The following CLNK variants were observed in gnomAD, a reference collection of about 807,000 sequenced individuals.
CLNK encodes cytokine-dependent hematopoietic cell linker.
Under a neutral mutation model 68.6 loss-of-function variants are expected in CLNK, and 74 were observed. The observed-to-expected ratio is 1.08, with a 90% CI of 0.89 to 1.31. The LOEUF (loss-of-function observed/expected upper bound fraction) is 1.31. CLNK is among the 50% of genes most tolerant of loss of function. The pLI is 0.00. For missense variants in CLNK, 553 were observed against 515.3 expected, an observed-to-expected ratio of 1.07 and a Z score of -0.71; for synonymous variants, 198 against 172.2, an observed-to-expected ratio of 1.15 and a Z score of -1.17.
At chr4:10,532,986 A>C (rs1242938188) in intron 11 of CLNK, among the ~76,000 whole-genome samples, 1 of 152,242 alleles carries the variant, frequency 6.6e-6, no homozygotes, top group Non-Finnish European at 1.5e-5. Context: ...GGCCTGGTGC[A>C]GTGGCTCATG....
intron 2 of CLNK, among the ~76,000 whole-genome samples, chr4:10,602,498 G>T (rs1721624559): frequency 1.3e-5 from 2 of 152,186 alleles, no homozygotes; most frequent in African/African-American, 4.8e-5. Flanking sequence ...GGAGATTGGA[G>T]TGATGTTGTC....
intron 8 of CLNK, among the ~76,000 whole-genome samples, chr4:10,542,772 A>G (rs1719089696): frequency 6.6e-6 from 1 of 151,756 alleles, no homozygotes; most frequent in Non-Finnish European, 1.5e-5. Context: ...GATTTTTCAA[A>G]ATAGAATAAT....
At chr4:10,517,317 A>G (rs924200581) in intron 15 of CLNK, 1 of 152,206 alleles carries the variant, frequency 6.6e-6, no homozygotes, top group African/African-American at 2.4e-5. Context: ...AGTAGGACAA[A>G]TAGGAGGCAC....
chr4:10,502,827 G>C (rs1004825359), intron 17 of CLNK, among the ~76,000 whole-genome samples: 2 of 152,002 alleles, frequency 1.3e-5, no homozygotes, highest in Non-Finnish European at 2.9e-5. Context: ...AGACAGAAAA[G>C]GCCCGGAGAT....
At chr4:10,505,514 C>A (rs958516587) in intron 17 of CLNK, among the ~76,000 whole-genome samples, 8 of 152,158 alleles carry the variant, frequency 5.3e-5, no homozygotes, top group African/African-American at 1.9e-4. Flanking sequence ...AAAACAGAAG[C>A]GTATTCTCTT....
chr4:10,696,207 CT>C, the CLNK span, among the ~76,000 whole-genome samples: 1 of 152,146 alleles, frequency 6.6e-6, no homozygotes, highest in Non-Finnish European at 1.5e-5. Flanking sequence ...AGTCTGGAAT[CT>C]GTATCAGATG....
chr4:10,700,372 A>G, the CLNK span, among the ~76,000 whole-genome samples: 1 of 152,294 alleles, frequency 6.6e-6, no homozygotes, highest in South Asian at 2.1e-4. Context: ...AGCCTGTCTA[A>G]CTCCAAAGCC....
intron 17 of CLNK, among the ~76,000 whole-genome samples, chr4:10,504,313 G>C (rs553474168): frequency 2.6e-5 from 4 of 152,072 alleles, no homozygotes; most frequent in Admixed American, 2.6e-4. Context: ...GTAGAGATGA[G>C]GTTTCACCGT....
the CLNK span, among the ~76,000 whole-genome samples, chr4:10,703,835 A>G: frequency 1.3e-5 from 2 of 152,176 alleles, no homozygotes; most frequent in Non-Finnish European, 2.9e-5. Flanking sequence ...TAAACACAGA[A>G]AAGGTACAGT....
chr4:10,700,209 A>G, the CLNK span, among the ~76,000 whole-genome samples: 1 of 152,216 alleles, frequency 6.6e-6, no homozygotes, highest in Non-Finnish European at 1.5e-5. Context: ...ACTGAGAATT[A>G]CAATTAGGAT....
chr4:10,589,899 A>G (rs1280848217), intron 3 of CLNK, among the ~76,000 whole-genome samples: 1 of 152,250 alleles, frequency 6.6e-6, no homozygotes, highest in Non-Finnish European at 1.5e-5. Context: ...GGGAATTACA[A>G]GGATGCACCC....
chr4:10,557,418 C>G (rs946481997), intron 8 of CLNK, among the ~76,000 whole-genome samples: 1 of 152,200 alleles, frequency 6.6e-6, no homozygotes, highest in Non-Finnish European at 1.5e-5. Flanking sequence ...GGGGCATTTA[C>G]TCCCTTGGTC....
chr4:10,596,510 T>C (rs1721394164), intron 3 of CLNK, among the ~76,000 whole-genome samples: 1 of 152,340 alleles, frequency 6.6e-6, no homozygotes, highest in South Asian at 2.1e-4. Flanking sequence ...ATAATTATAA[T>C]TTTTACAGGA....
At chr4:10,605,441 A>T (rs756236825) in intron 2 of CLNK, among the ~76,000 whole-genome samples, 1 of 152,178 alleles carries the variant, frequency 6.6e-6, no homozygotes, top group Admixed American at 6.6e-5. Context: ...TGTAATGAAT[A>T]CTGTAGGCAA....
intron 1 of CLNK, among the ~76,000 whole-genome samples, chr4:10,675,114 G>T (rs10470805): frequency 0.012 from 1,834 of 152,266 alleles, 39 homozygotes; most frequent in African/African-American, 0.042. Flanking sequence ...TAACAAACCT[G>T]CAGGTTCTGC....
At chr4:10,575,922 G>A (rs1290390353) in intron 4 of CLNK, among the ~76,000 whole-genome samples, 1 of 151,848 alleles carries the variant, frequency 6.6e-6, no homozygotes, top group East Asian at 1.9e-4. Flanking sequence ...TTTTTTTTAT[G>A]TTTCTCCATA....
the CLNK span, among the ~76,000 whole-genome samples, chr4:10,713,415 TG>T: frequency 6.6e-6 from 1 of 152,034 alleles, no homozygotes; most frequent in Admixed American, 6.6e-5. Flanking sequence ...CTGTCCAAGA[TG>T]GTGCTAGGAG....
At chr4:10,704,141 G>A in the CLNK span, among the ~76,000 whole-genome samples, 2 of 151,802 alleles carry the variant, frequency 1.3e-5, no homozygotes, top group Non-Finnish European at 2.9e-5. Context: ...AAGAAGGGAG[G>A]AAAAAAGAAC....
chr4:10,617,422 C>G (rs547371351), intron 2 of CLNK, among the ~76,000 whole-genome samples: 1 of 152,248 alleles, frequency 6.6e-6, no homozygotes, highest in African/African-American at 2.4e-5. Context: ...GAAAAAAATT[C>G]CAAAATCCCC....
Sources: gnomAD v4.1 joint callset for allele counts (sites outside exome capture counted in the v4.1 genomes callset) on GRCh38, gnomAD v4.1.1 for gene constraint, MANE v1.5 for transcripts, NCBI Gene and HGNC (gene_info 2026-07-23, HGNC 2026-07-21) for gene names.